Variants in LOC128462377 observed in about 807,000 individuals in gnomAD.
At chr16:89,335,467 C>A in the LOC128462377 span, among the ~76,000 whole-genome samples, 3 of 152,310 alleles carry the variant, frequency 2.0e-5, no homozygotes. Flanking sequence ...CCACCTAGCA[C>A]GCAGTACGCA....
the LOC128462377 span, among the ~76,000 whole-genome samples, chr16:89,347,129 C>G: frequency 6.6e-6 from 1 of 151,878 alleles, no homozygotes; most frequent in Non-Finnish European, 1.5e-5. Flanking sequence ...CTCGTTGGTC[C>G]GGGCATCAGA....
At chr16:89,417,267 T>C in the LOC128462377 span, among the ~76,000 whole-genome samples, 1 of 152,178 alleles carries the variant, frequency 6.6e-6, no homozygotes, top group African/African-American at 2.4e-5. Flanking sequence ...TCTTTCACGT[T>C]TGCTGGGAGT....
the LOC128462377 span, among the ~76,000 whole-genome samples, chr16:89,399,632 G>A: frequency 3.9e-5 from 6 of 152,266 alleles, no homozygotes; most frequent in East Asian, 1.9e-4. Flanking sequence ...CACAGCACCC[G>A]GTGGACCCTG....
chr16:89,337,274 C>T, the LOC128462377 span, among the ~76,000 whole-genome samples: 2 of 151,888 alleles, frequency 1.3e-5, no homozygotes, highest in Middle Eastern at 6.4e-3. Flanking sequence ...CCCAAGGAAA[C>T]GTCAGAAAGG....
the LOC128462377 span, among the ~76,000 whole-genome samples, chr16:89,350,581 T>C: frequency 6.6e-6 from 1 of 152,064 alleles, no homozygotes; most frequent in Non-Finnish European, 1.5e-5. Flanking sequence ...CATATTAAAT[T>C]CTAGTAAAGC....
the LOC128462377 span, among the ~76,000 whole-genome samples, chr16:89,388,557 C>G: frequency 1.1e-3 from 161 of 152,226 alleles, 3 homozygotes; most frequent in Non-Finnish European, 8.7e-4. Context: ...ACAAAAAAGC[C>G]TGAATGCTGC....
chr16:89,405,172 C>T, the LOC128462377 span, among the ~76,000 whole-genome samples: 4 of 151,958 alleles, frequency 2.6e-5, no homozygotes, highest in South Asian at 6.3e-4. Flanking sequence ...CCAGCCTGGG[C>T]GACAGAGCAA....
the LOC128462377 span, among the ~76,000 whole-genome samples, chr16:89,338,992 C>T: frequency 4.6e-5 from 7 of 152,288 alleles, no homozygotes; most frequent in Non-Finnish European, 1.0e-4. Context: ...CCACCGAGGG[C>T]CTCACTGGAC....
the LOC128462377 span, among the ~76,000 whole-genome samples, chr16:89,353,963 C>A: frequency 4.6e-3 from 697 of 152,246 alleles, 7 homozygotes; most frequent in African/African-American, 0.015. Context: ...GACATAAAGG[C>A]GGAGCTGGCT....
chr16:89,338,031 T>C, the LOC128462377 span, among the ~76,000 whole-genome samples: 1 of 152,126 alleles, frequency 6.6e-6, no homozygotes, highest in Admixed American at 6.5e-5. Context: ...GCCAGTATCA[T>C]GGTGACTCCC....
At chr16:89,353,898 G>A in the LOC128462377 span, among the ~76,000 whole-genome samples, 3 of 152,230 alleles carry the variant, frequency 2.0e-5, no homozygotes, top group African/African-American at 7.2e-5. Context: ...AGCCTCTCAT[G>A]CAGGGAGCGT....
the LOC128462377 span, among the ~76,000 whole-genome samples, chr16:89,317,458 A>G: frequency 4.5e-4 from 68 of 152,334 alleles, no homozygotes; most frequent in African/African-American, 1.3e-3. Flanking sequence ...TCCCCGCATT[A>G]CAGGCAAGGT....
chr16:89,341,168 C>T, the LOC128462377 span, among the ~76,000 whole-genome samples: 3 of 152,152 alleles, frequency 2.0e-5, no homozygotes, highest in African/African-American at 7.2e-5. Flanking sequence ...AAACCCACAG[C>T]TCTGTTTCTA....
At chr16:89,379,070 G>A in the LOC128462377 span, among the ~76,000 whole-genome samples, 10 of 152,306 alleles carry the variant, frequency 6.6e-5, no homozygotes, top group South Asian at 1.7e-3. Context: ...ACTTAGGGTC[G>A]TCCATGCCCA....
At chr16:89,337,024 A>AT in the LOC128462377 span, among the ~76,000 whole-genome samples, 1 of 145,296 alleles carries the variant, frequency 6.9e-6, no homozygotes, top group Non-Finnish European at 1.5e-5. Context: ...AAAAAAAAAA[A>AT]AAAAAAAAAA....
At chr16:89,401,809 G>A in the LOC128462377 span, among the ~76,000 whole-genome samples, 1 of 152,140 alleles carries the variant, frequency 6.6e-6, no homozygotes, top group African/African-American at 2.4e-5. Context: ...GGGTGAAGAG[G>A]GAGGCGGAGA....
chr16:89,383,629 C>T, the LOC128462377 span, among the ~76,000 whole-genome samples: 4 of 152,094 alleles, frequency 2.6e-5, no homozygotes, highest in Non-Finnish European at 5.9e-5. Flanking sequence ...CCCCTGCCCT[C>T]GGACCAGCAA....
chr16:89,405,404 G>C, the LOC128462377 span, among the ~76,000 whole-genome samples: 1 of 151,788 alleles, frequency 6.6e-6, no homozygotes, highest in African/African-American at 2.4e-5. Context: ...GCTCACCGTA[G>C]CCTCGACCTC....
chr16:89,336,651 C>A, the LOC128462377 span, among the ~76,000 whole-genome samples: 2 of 152,174 alleles, frequency 1.3e-5, no homozygotes, highest in African/African-American at 4.8e-5. Context: ...ACCACACCCC[C>A]CGGGTGGGCC....
Sources: allele counts gnomAD v4.1 joint callset (sites outside exome capture counted in the v4.1 genomes callset), GRCh38; gene constraint gnomAD v4.1.1; transcripts MANE v1.5.